Variants in LRRIQ3 observed in about 807,000 individuals in gnomAD.
LRRIQ3 encodes the protein leucine-rich repeat and IQ domain-containing protein 3.
In LRRIQ3, 75 loss-of-function variants were observed where a neutral mutation model predicts 59.3. The observed-to-expected ratio is 1.26, with a 90% CI of 1.05 to 1.53. The LOEUF is 1.53. Among genes scored for constraint, LRRIQ3 ranks in the 40% most tolerant of loss-of-function variants. The pLI, the probability that LRRIQ3 is intolerant of heterozygous loss-of-function variation, is 0.00. For synonymous variants in LRRIQ3, 250 were observed against 231.3 expected (o/e 1.08, Z -0.73); for missense variants, 831 against 710.0 (o/e 1.17, Z -1.94).
chr1:74,040,043 T>A (rs1273927392), intron 7 of LRRIQ3, among the ~76,000 whole-genome samples: 2 of 151,844 alleles, frequency 1.3e-5, no homozygotes, highest in Admixed American at 6.6e-5. Context: ...AGGAGACCCA[T>A]CTCACGTGCA....
intron 4 of LRRIQ3, among the ~76,000 whole-genome samples, chr1:74,120,326 C>T (rs1240983039): frequency 6.6e-6 from 1 of 151,952 alleles, no homozygotes; most frequent in African/African-American, 2.4e-5. Flanking sequence ...CTATGTTGGC[C>T]AGGATGGTCT....
rs1463089253 is a variant in LRRIQ3 at position 74,072,387 on chromosome 1, TA to T, written c.997+2273del. 1.5e-4 allele frequency among the ~76,000 whole-genome samples: 23 copies of T among 152,112 alleles called. 1 individual carries two copies. Among genetic ancestry groups the T allele is most frequent in the Non-Finnish European group, 8.8e-5 (6 of 68,014 alleles). ...GTAGTATAAAATCTTGCATATTAGCTAAATTATGTGATTCTTGTTCTTATCA... is the reference window on the plus strand; with the variant it reads ...GTAGTATAAAATCTTGCATATTAGCTAATTATGTGATTCTTGTTCTTATCA... On this transcript the variant is annotated intron_variant, in intron 6 of 7. Transcript: ENST00000354431.
chr1:74,152,568 T>C (rs1648060534), intron 4 of LRRIQ3, among the ~76,000 whole-genome samples: 1 of 152,172 alleles, frequency 6.6e-6, no homozygotes, highest in African/African-American at 2.4e-5. Flanking sequence ...AAATATAATG[T>C]TGAATGAAAG....
At chr1:74,144,427 C>A in intron 4 of LRRIQ3, 1 of 324,614 alleles carries the variant, frequency 3.1e-6, no homozygotes, top group South Asian at 2.6e-5. Flanking sequence ...TTTTATATTT[C>A]AAGGAAACTA....
At chr1:74,053,674 C>G (rs946923023) in intron 6 of LRRIQ3, among the ~76,000 whole-genome samples, 57 of 151,966 alleles carry the variant, frequency 3.8e-4, no homozygotes, top group African/African-American at 1.4e-3. Context: ...GCAACACAGC[C>G]AGACCTTGTC....
chr1:74,038,367 A>G (rs1400545677), intron 7 of LRRIQ3, among the ~76,000 whole-genome samples: 5 of 152,150 alleles, frequency 3.3e-5, no homozygotes, highest in African/African-American at 4.8e-5. Flanking sequence ...AGACCAGCAG[A>G]CTTAACCTTT....
chr1:74,106,138 AG>A (rs1450820263), intron 5 of LRRIQ3, among the ~76,000 whole-genome samples: 2 of 152,032 alleles, frequency 1.3e-5, no homozygotes, highest in Non-Finnish European at 2.9e-5. Context: ...TCAAGGAGAA[AG>A]GGTATTGCTC....
At chr1:74,057,617 T>A (rs1156784273) in intron 6 of LRRIQ3, among the ~76,000 whole-genome samples, 1 of 152,166 alleles carries the variant, frequency 6.6e-6, no homozygotes, top group Non-Finnish European at 1.5e-5. Flanking sequence ...AAGACTTATA[T>A]GTAAGACTTG....
chr1:74,063,889 C>A (rs1654798354), intron 6 of LRRIQ3, among the ~76,000 whole-genome samples: 2 of 151,548 alleles, frequency 1.3e-5, no homozygotes, highest in Admixed American at 1.3e-4. Flanking sequence ...TTAATTTTAT[C>A]TTGATATGGT....
At chr1:74,102,329 T>A (rs1646547825) in intron 5 of LRRIQ3, among the ~76,000 whole-genome samples, 1 of 151,968 alleles carries the variant, frequency 6.6e-6, no homozygotes, top group South Asian at 2.1e-4. Context: ...GAATAAACAT[T>A]TCTTCAAAGA....
chr1:74,078,480 C>A (rs536097094), intron 5 of LRRIQ3, among the ~76,000 whole-genome samples: 1 of 151,762 alleles, frequency 6.6e-6, no homozygotes, highest in Non-Finnish European at 1.5e-5. Flanking sequence ...GGGCAACATA[C>A]GCTTAATCAC....
intron 4 of LRRIQ3, among the ~76,000 whole-genome samples, chr1:74,141,132 T>A (rs192252877): frequency 1.3e-3 from 197 of 152,004 alleles, no homozygotes; most frequent in Middle Eastern, 6.8e-3. Flanking sequence ...TGCGTCTTTT[T>A]ACATTCTCAA....
chr1:74,072,723 C>G (rs1181012375), intron 6 of LRRIQ3, among the ~76,000 whole-genome samples: 2 of 151,848 alleles, frequency 1.3e-5, no homozygotes, highest in African/African-American at 4.8e-5. Context: ...TACCTATTAG[C>G]AGACTGAACC....
At chr1:74,065,283 T>C (rs72960151) in intron 6 of LRRIQ3, among the ~76,000 whole-genome samples, 14,298 of 152,162 alleles carry the variant, frequency 0.094, 700 homozygotes, top group Middle Eastern at 0.13. Flanking sequence ...GTATTTCATT[T>C]TGATTTTATG....
chr1:74,173,540 G>A (rs1034755885), intron 3 of LRRIQ3, among the ~76,000 whole-genome samples: 3 of 151,510 alleles, frequency 2.0e-5, no homozygotes, highest in African/African-American at 7.3e-5. Flanking sequence ...TTGTTATCAT[G>A]AGGTTTGTAT....
At position 74,183,524 on chromosome 1, in the gene LRRIQ3, A is replaced by G; in HGVS notation, c.161T>C (p.Val54Ala). The change falls in exon 2 of 8, where the codon GTA (valine) becomes GCA (alanine). Residue 54 changes from valine to alanine, a missense_variant. Coordinates refer to ENST00000354431, the MANE Select transcript of LRRIQ3 (RefSeq NM_001105659.2). ...AATAAAATTGTTTGAGAAGATGCAT[A>G]CTCTAAGAGAGATGCAAGACTGCAA... ...ENLQSCISLR[V>A]CIFSNNFITD... 1 of 1,610,886 alleles carries G rather than the reference A, an allele frequency of 6.2e-7. No individual in the cohort carries two copies. Among genetic ancestry groups the G allele is most frequent in the Non-Finnish European group, 8.5e-7 (1 of 1,178,128 alleles).
chr1:74,190,475 G>GA (rs931101885), intron 1 of LRRIQ3, among the ~76,000 whole-genome samples: 2 of 145,980 alleles, frequency 1.4e-5, no homozygotes, highest in Non-Finnish European at 3.0e-5. Flanking sequence ...AAACCAAAGA[G>GA]AAAAAAAAAG....
intron 4 of LRRIQ3, chr1:74,138,420 CCATTACCAGACTTA>C: frequency 1.1e-6 from 1 of 923,904 alleles, no homozygotes; most frequent in Non-Finnish European, 1.3e-6. Flanking sequence ...ATCCTTCAAT[CCATTACCAGACTTA>C]CATACTTACT....
At chr1:74,075,421 G>C (rs752387416) in intron 5 of LRRIQ3, among the ~76,000 whole-genome samples, 3 of 152,030 alleles carry the variant, frequency 2.0e-5, no homozygotes, top group African/African-American at 4.8e-5. Flanking sequence ...ACGAAAATTA[G>C]CCAGGTGTGG....
Sources: gnomAD v4.1 joint callset for allele counts (sites outside exome capture counted in the v4.1 genomes callset) on GRCh38, gnomAD v4.1.1 for gene constraint, MANE v1.5 for transcripts, NCBI Gene and HGNC (gene_info 2026-07-23, HGNC 2026-07-21) for gene names.